ABCC1: variants seen among roughly 807,000 people sequenced by gnomAD.
The protein encoded by ABCC1 is ATP binding cassette subfamily C member 1 (ABCC1 blood group).
Under a neutral mutation model 172.9 loss-of-function variants are expected in ABCC1, and 83 were observed. The observed-to-expected ratio is 0.48, with a 90% CI of 0.40 to 0.58. ABCC1 has a LOEUF of 0.58. Ranked by LOEUF, ABCC1 falls within the 20% of genes least tolerant of loss-of-function variation. The pLI is 0.00. For synonymous variants in ABCC1, 937 were observed against 825.2 expected (o/e 1.14, Z -2.32); for missense variants, 1,817 against 2,002.7 (o/e 0.91, Z 1.77).
At chr16:15,966,001 G>A (rs1597058312) in intron 1 of ABCC1, among the ~76,000 whole-genome samples, 1 of 152,132 alleles carries the variant, frequency 6.6e-6, no homozygotes, top group African/African-American at 2.4e-5. Flanking sequence ...CATCTGAAAA[G>A]GCTTCACTCT....
intron 24 of ABCC1, among the ~76,000 whole-genome samples, chr16:16,123,942 G>T (rs2045285515): frequency 6.6e-6 from 1 of 152,148 alleles, no homozygotes; most frequent in East Asian, 1.9e-4. Context: ...ACTGGAACTT[G>T]GAAGGTTGAG....
intron 1 of ABCC1, among the ~76,000 whole-genome samples, chr16:15,982,521 T>G (rs1421740916): frequency 6.6e-6 from 1 of 151,502 alleles, no homozygotes; most frequent in Non-Finnish European, 1.5e-5. Flanking sequence ...AGCATGGAGG[T>G]AACCACCCCC....
At position 16,086,904 on chromosome 16, in the gene ABCC1, C is replaced by T. The variant is rs748257791; in HGVS notation, c.2373C>T (p.Phe791=). 2.3e-5 allele frequency: 37 copies of T among 1,614,236 alleles called. No homozygotes were observed. In the East Asian group the frequency reaches 4.2e-4, roughly 18 times the overall value. ...ACTCCAACGCTGACATTTACCTCTTCGATGATCCCCTCTCAGCAGTGGATG... is the reference window on the plus strand; with the variant it reads ...ACTCCAACGCTGACATTTACCTCTTTGATGATCCCCTCTCAGCAGTGGATG... ...AVYSNADIYL[F]DDPLSAVDAH... Residue 791 remains phenylalanine, a synonymous_variant, in exon 18 of 31, where the codon TTC becomes TTT. Transcript: ENST00000399410.
intron 1 of ABCC1, among the ~76,000 whole-genome samples, chr16:15,991,091 G>A (rs1279274167): frequency 6.6e-6 from 1 of 152,120 alleles, no homozygotes; most frequent in Non-Finnish European, 1.5e-5. Flanking sequence ...ACGCTCCAGT[G>A]AACACGGGAG....
chr16:16,006,968 C>G (rs1315770111), intron 1 of ABCC1, among the ~76,000 whole-genome samples: 3 of 151,308 alleles, frequency 2.0e-5, no homozygotes, highest in East Asian at 3.9e-4. Context: ...TGGTGATGGT[C>G]ATAGTGGGGA....
intron 12 of ABCC1, among the ~76,000 whole-genome samples, chr16:16,061,925 C>T (rs1026596215): frequency 1.3e-5 from 2 of 151,988 alleles, no homozygotes; most frequent in African/African-American, 2.4e-5. Context: ...AAGCATGCAC[C>T]ACCATGCCCA....
intron 15 of ABCC1, among the ~76,000 whole-genome samples, chr16:16,076,649 C>T (rs2050586086): frequency 6.6e-6 from 1 of 152,214 alleles, no homozygotes; most frequent in Admixed American, 6.5e-5. Flanking sequence ...CCTTGGACAG[C>T]TAGACTTAGA....
intron 18 of ABCC1, among the ~76,000 whole-genome samples, chr16:16,090,121 C>T (rs1190233009): frequency 2.0e-5 from 3 of 152,204 alleles, no homozygotes; most frequent in African/African-American, 4.8e-5. Flanking sequence ...GTTTCTCCTG[C>T]GGCCCTGGAA....
intron 28 of ABCC1, among the ~76,000 whole-genome samples, chr16:16,135,015 G>A (rs1183583500): frequency 6.6e-6 from 1 of 152,122 alleles, no homozygotes; most frequent in Non-Finnish European, 1.5e-5. Context: ...TTAACAACGT[G>A]GGAATTAACT....
intron 21 of ABCC1, among the ~76,000 whole-genome samples, chr16:16,107,669 A>G (rs558373752): frequency 2.8e-4 from 42 of 152,120 alleles, no homozygotes; most frequent in African/African-American, 8.7e-4. Context: ...TTCTCAACCT[A>G]TCAACCACTA....
Position 16,134,505 on chromosome 16 carries a change from C to G in ABCC1, c.4122C>G (p.Pro1374=). Residue 1374 remains proline (P), a synonymous_variant, in exon 28 of 31, where the codon CCC becomes CCG. Coordinates refer to ENST00000399410, the MANE Select transcript of ABCC1 (RefSeq NM_004996.4). Reference sequence around the variant, plus strand: ...TCCGCTTCAAGATCACCATCATCCCCCAGGTGGGGTCTGGGTGTGGCCCAG... The same window carrying G: ...TCCGCTTCAAGATCACCATCATCCCGCAGGTGGGGTCTGGGTGTGGCCCAG... ...HDLRFKITII[P]QDPVLFSGSL... is the part of the protein sequence containing the mutation. 6.2e-7 allele frequency: 1 copy of G among 1,614,136 alleles called. No individual in the cohort carries two copies. Among genetic ancestry groups the G allele is most frequent in the Non-Finnish European group, 8.5e-7 (1 of 1,180,042 alleles).
chr16:16,135,548 T>G lies in ABCC1; in HGVS notation c.4126-930T>G, dbSNP rs535491432. Reference sequence around the variant, plus strand: ...TCAGCTTACTGCAACCTGCACCTCCTGGGTTCAAGCGATTCTTCTGCCTCA... The same window carrying G: ...TCAGCTTACTGCAACCTGCACCTCCGGGGTTCAAGCGATTCTTCTGCCTCA... On this transcript the variant is annotated intron_variant, in intron 28 of 30. Coordinates refer to ENST00000399410, the MANE Select transcript of ABCC1 (RefSeq NM_004996.4). 3.3e-5 allele frequency among the ~76,000 whole-genome samples: 5 copies of G among 152,270 alleles called. No individual in the cohort carries two copies. The East Asian group carries it at 9.7e-4, about 29-fold the overall frequency.
rs2152164489 is a variant in ABCC1, at chr16:16,136,502, C to T, written c.4150C>T (p.Leu1384Phe). The T allele has an allele frequency of 6.2e-7, 1 of 1,614,160 alleles. No homozygotes were observed. Among genetic ancestry groups the T allele is most frequent in the East Asian group, 2.2e-5 (1 of 44,876 alleles). ...PQDPVLFSGS[L>F]RMNLDPFSQY... ...GGACCCTGTTTTGTTTTCGGGTTCC[C>T]TCCGAATGAACCTGGACCCATTCAG... The change falls in exon 29 of 31, where the codon CTC becomes TTC. Residue 1384 changes from leucine (L) to phenylalanine (F), a missense_variant. Coordinates refer to ENST00000399410, the MANE Select transcript of ABCC1 (RefSeq NM_004996.4).
intron 23 of ABCC1, among the ~76,000 whole-genome samples, chr16:16,115,356 A>T (rs1047284201): frequency 6.6e-6 from 1 of 152,062 alleles, no homozygotes; most frequent in Non-Finnish European, 1.5e-5. Context: ...CATTATTAAA[A>T]TTTCTTTTTT....
intron 19 of ABCC1, among the ~76,000 whole-genome samples, chr16:16,102,230 G>T (rs1187105757): frequency 6.6e-6 from 1 of 152,142 alleles, no homozygotes; most frequent in Non-Finnish European, 1.5e-5. Context: ...TCAATGCTTG[G>T]GAATCACGGG....
At position 16,138,351 on chromosome 16, in the gene ABCC1, T is replaced by A; in HGVS notation, c.4293-13T>A. Reference sequence around the variant, plus strand: ...ACCCAACACTATCTCCTGGTTTTTTTCTTCCGGTCAAGTGTCGGGCAGCGC... The same window carrying A: ...ACCCAACACTATCTCCTGGTTTTTTACTTCCGGTCAAGTGTCGGGCAGCGC... On this transcript the variant is annotated splice_polypyrimidine_tract_variant and intron_variant, in intron 29 of 30. Transcript: ENST00000399410. 6.4e-7 allele frequency: 1 copy of A among 1,551,928 alleles called. No homozygotes were observed. Among genetic ancestry groups the A allele is most frequent in the Non-Finnish European group, 8.8e-7 (1 of 1,139,782 alleles).
intron 28 of ABCC1, among the ~76,000 whole-genome samples, chr16:16,136,173 A>ATG (rs2045909293): frequency 6.6e-6 from 1 of 151,892 alleles, no homozygotes; most frequent in African/African-American, 2.4e-5. Context: ...ACAGGTATGC[A>ATG]CCACCATGCC....
At chr16:15,986,472 G>A (rs1484497902) in intron 1 of ABCC1, among the ~76,000 whole-genome samples, 1 of 152,128 alleles carries the variant, frequency 6.6e-6, no homozygotes, top group East Asian at 1.9e-4. Context: ...TGGCTGCATT[G>A]GATTCTCACA....
At chr16:16,017,700 C>T (rs531831547) in intron 5 of ABCC1, among the ~76,000 whole-genome samples, 69 of 152,238 alleles carry the variant, frequency 4.5e-4, no homozygotes, top group African/African-American at 9.9e-4. Context: ...TGAGTCACCA[C>T]GCCTCGCCTA....
Sources: gnomAD v4.1 joint callset for allele counts (sites outside exome capture counted in the v4.1 genomes callset) on GRCh38, gnomAD v4.1.1 for gene constraint, MANE v1.5 for transcripts, NCBI Gene and HGNC (gene_info 2026-07-23, HGNC 2026-07-21) for gene names.